CSMD1: variants seen among roughly 807,000 people sequenced by gnomAD.
CSMD1 encodes the protein CUB and sushi domain-containing protein 1.
In CSMD1, 213 loss-of-function variants were observed where a neutral mutation model predicts 417.5. The ratio of observed to expected loss-of-function variants is 0.51; its 90% CI spans 0.46 to 0.57. CSMD1 has a LOEUF of 0.57. Ranked by LOEUF, CSMD1 falls within the 20% of genes least tolerant of loss-of-function variation. The pLI is 0.00. For missense variants in CSMD1, 6,923 were observed against 4,529.7 expected (o/e 1.53, Z -15.17); for synonymous variants, 2,862 against 1,736.8 (o/e 1.65, Z -16.11).
intron 7 of CSMD1, among the ~76,000 whole-genome samples, chr8:3,677,148 A>G (rs765374685): frequency 2.6e-5 from 4 of 152,136 alleles, no homozygotes; most frequent in Non-Finnish European, 4.4e-5. Flanking sequence ...CTGCACATGT[A>G]ACCCAGAACT....
At chr8:3,596,478 A>T (rs1487623416) in intron 8 of CSMD1, among the ~76,000 whole-genome samples, 1 of 152,204 alleles carries the variant, frequency 6.6e-6, no homozygotes, top group Admixed American at 6.5e-5. Flanking sequence ...TCTGCTCAGC[A>T]TCATGGGATG....
intron 7 of CSMD1, among the ~76,000 whole-genome samples, chr8:3,642,378 A>T (rs932854527): frequency 3.3e-5 from 5 of 152,132 alleles, no homozygotes; most frequent in Non-Finnish European, 7.3e-5. Flanking sequence ...AGAATTTATA[A>T]CCTTAAGTCC....
intron 3 of CSMD1, among the ~76,000 whole-genome samples, chr8:4,177,579 C>T (rs1028819338): frequency 1.3e-5 from 2 of 151,532 alleles, no homozygotes; most frequent in African/African-American, 4.9e-5. Flanking sequence ...TAACTAAAAT[C>T]AGAGCAGAAC....
chr8:4,045,221 G>C (rs375101243), intron 3 of CSMD1, among the ~76,000 whole-genome samples: 12 of 152,170 alleles, frequency 7.9e-5, no homozygotes, highest in Non-Finnish European at 1.8e-4. Flanking sequence ...GTGGGCGACA[G>C]TTGTCCCATT....
chr8:3,829,548 G>C (rs370202359), intron 5 of CSMD1, among the ~76,000 whole-genome samples: 1 of 152,116 alleles, frequency 6.6e-6, no homozygotes, highest in Admixed American at 6.6e-5. Context: ...GTTTGGGAGA[G>C]TTGCTACTCT....
chr8:3,640,677 T>C (rs552292965), intron 7 of CSMD1, among the ~76,000 whole-genome samples: 29 of 152,200 alleles, frequency 1.9e-4, no homozygotes, highest in Non-Finnish European at 3.5e-4. Flanking sequence ...CAATGTTTGA[T>C]AAGAAAAAGG....
chr8:4,860,956 C>T (rs1802096067), intron 1 of CSMD1, among the ~76,000 whole-genome samples: 1 of 152,090 alleles, frequency 6.6e-6, no homozygotes, highest in Non-Finnish European at 1.5e-5. Context: ...TCCTCAGTTT[C>T]AAGAATGTAA....
At chr8:4,713,706 C>T (rs932046133) in intron 1 of CSMD1, among the ~76,000 whole-genome samples, 1 of 152,196 alleles carries the variant, frequency 6.6e-6, no homozygotes, top group African/African-American at 2.4e-5. Flanking sequence ...CACTGCCTCA[C>T]GGCCTCCTCC....
At chr8:3,311,023 A>C (rs1226517126) in intron 23 of CSMD1, among the ~76,000 whole-genome samples, 8 of 152,194 alleles carry the variant, frequency 5.3e-5, no homozygotes, top group Non-Finnish European at 1.0e-4. Context: ...TCAACTTAAC[A>C]AATGAGGTTA....
At chr8:3,901,217 T>C (rs1045058006) in intron 5 of CSMD1, among the ~76,000 whole-genome samples, 1 of 152,188 alleles carries the variant, frequency 6.6e-6, no homozygotes, top group Non-Finnish European at 1.5e-5. Context: ...CCAATAGTAT[T>C]TTTATTTCAA....
intron 3 of CSMD1, among the ~76,000 whole-genome samples, chr8:4,271,302 A>G (rs989358628): frequency 3.9e-5 from 6 of 152,184 alleles, no homozygotes; most frequent in African/African-American, 1.4e-4. Flanking sequence ...GCAACCATCA[A>G]CCCACAGAGG....
chr8:3,197,543 G>A (rs192201320), intron 33 of CSMD1, among the ~76,000 whole-genome samples: 1 of 147,000 alleles, frequency 6.8e-6, no homozygotes, highest in Non-Finnish European at 1.5e-5. Flanking sequence ...TCCACTCACT[G>A]CAAGCTCCGC....
At chr8:3,590,180 C>G (rs942005725) in intron 8 of CSMD1, among the ~76,000 whole-genome samples, 2 of 152,068 alleles carry the variant, frequency 1.3e-5, no homozygotes, top group East Asian at 1.9e-4. Context: ...TATGATCTAT[C>G]TATATTTATA....
intron 20 of CSMD1, among the ~76,000 whole-genome samples, chr8:3,361,725 T>C (rs1160994252): frequency 6.6e-6 from 1 of 151,288 alleles, no homozygotes; most frequent in Non-Finnish European, 1.5e-5. Flanking sequence ...TATTATGTGC[T>C]ATACCTATTA....
At chr8:3,703,977 A>T (rs1276434269) in intron 7 of CSMD1, among the ~76,000 whole-genome samples, 1 of 152,184 alleles carries the variant, frequency 6.6e-6, no homozygotes, top group African/African-American at 2.4e-5. Context: ...AGGCTGAGAC[A>T]GGAGAATCAC....
At position 2,951,216 on chromosome 8, in the gene CSMD1, T is replaced by C; in HGVS notation, c.10099A>G (p.Lys3367Glu). The C allele has an allele frequency of 6.2e-7, 1 of 1,610,548 alleles. No homozygotes were observed. Residue 3367 changes from lysine to glutamate, a missense_variant, in exon 66 of 70, where the codon AAA becomes GAA. Transcript: ENST00000635120. ...ACAGTTAGAGTGGCGGGTTGTCTTT[T>C]CCCTAAATATTCATAATACCCCTTC... is the stretch of plus-strand genomic sequence containing the variant. ...LWKGYYEYLGKRQPATLTVDW... is the reference protein window; with the variant it reads ...LWKGYYEYLGERQPATLTVDW...
At chr8:4,109,816 C>T (rs1490843166) in intron 3 of CSMD1, among the ~76,000 whole-genome samples, 4 of 152,040 alleles carry the variant, frequency 2.6e-5, no homozygotes. Flanking sequence ...AGGGTGTTAC[C>T]ATAAATACTT....
chr8:4,900,364 G>C (rs1336134844), intron 1 of CSMD1, among the ~76,000 whole-genome samples: 1 of 152,086 alleles, frequency 6.6e-6, no homozygotes, highest in African/African-American at 2.4e-5. Context: ...AGAAATGTTG[G>C]AGCAACCCTT....
At chr8:3,565,227 T>TAGAC (rs1397170529) in intron 10 of CSMD1, among the ~76,000 whole-genome samples, 3 of 106,048 alleles carry the variant, frequency 2.8e-5, no homozygotes, top group African/African-American at 1.1e-4. Context: ...GATAGACAGA[T>TAGAC]AGATAGATTA....
Sources: allele counts gnomAD v4.1 joint callset (sites outside exome capture counted in the v4.1 genomes callset), GRCh38; gene constraint gnomAD v4.1.1; transcripts MANE v1.5; gene names NCBI Gene and HGNC (gene_info 2026-07-23, HGNC 2026-07-21).